The following PYGM variants were observed in gnomAD, a reference collection of about 807,000 sequenced individuals.
PYGM encodes glycogen phosphorylase, muscle associated, also known as glycogen phosphorylase, muscle form.
PYGM carries 81 observed loss-of-function variants against 99.3 expected under a neutral mutation model. The ratio of observed to expected loss-of-function variants is 0.82; its 90% CI spans 0.68 to 0.98. The LOEUF (loss-of-function observed/expected upper bound fraction) is 0.98. PYGM is among the 50% of genes least tolerant of loss of function. PYGM has a pLI of 0.00. For missense variants in PYGM, 1,030 were observed against 1,158.1 expected (o/e 0.89, Z 1.61); for synonymous variants, 436 against 451.5 (o/e 0.97, Z 0.44).
chr11:64,752,045 G>A lies in PYGM; in HGVS notation c.1647C>T (p.Tyr549=), dbSNP rs1259993947. 1.9e-6 allele frequency: 3 copies of A among 1,614,000 alleles called. No homozygotes were observed. The African/African-American group carries it at 4.0e-5, about 22-fold the overall frequency. The part of the protein sequence containing the change: ...KQENKLKFAA[Y]LEREYKVHIN... ...TGTGGACTTTGTATTCCCTCTCTAG[G>A]TAGGCAGCAAACTTCAACTTGTTTT... The change falls in exon 14 of 20, where the codon TAC becomes TAT. Residue 549 remains tyrosine, a synonymous_variant. Transcript: ENST00000164139.
In PYGM at chr11:64,755,877, G is replaced by C. The variant is rs2058391589; in HGVS notation, c.661-319C>G. 2.0e-5 allele frequency among the ~76,000 whole-genome samples: 3 copies of C among 152,246 alleles called. No individual in the cohort carries two copies. Among genetic ancestry groups the C allele is most frequent in the Non-Finnish European group, 4.4e-5 (3 of 68,036 alleles). ...CGACCACTCTGCAGCAATGGGGGCT[G>C]GGCTGGCCAGCCTGGCCTGAGCAAA... On this transcript the variant is annotated intron_variant, in intron 5 of 19. Transcript: ENST00000164139. This position sits in a 1 kb window ranked among gnomAD's most constrained non-coding sequence, Gnocchi z 4.1.
chr11:64,753,322 CTG>C, intron 11 of PYGM, 135 bp from the exon 12 acceptor site: 1 of 1,186,858 alleles, frequency 8.4e-7, no homozygotes, highest in Non-Finnish European at 1.2e-6. Context: ...GTTGGGGGTG[CTG>C]TGTGTAAGAG....
chr11:64,753,438 T>G, intron 11 of PYGM, 81 bp downstream of exon 11: 1 of 1,494,260 alleles, frequency 6.7e-7, no homozygotes. Context: ...GAGTGGTCGG[T>G]GAAGGGCGGG....
chr11:64,754,986 C>T lies in PYGM; in HGVS notation c.856-150G>A. 1 of 1,137,428 alleles carries T rather than the reference C, an allele frequency of 8.8e-7. No individual in the cohort carries two copies. Among genetic ancestry groups the T allele is most frequent in the Non-Finnish European group, 1.2e-6 (1 of 808,232 alleles). The allele number at this position is 1,137,428 out of a possible 1,614,324, so 70.5% of individuals were successfully genotyped here. On this transcript the variant is annotated intron_variant, in intron 7 of 19. Coordinates refer to ENST00000164139, the MANE Select transcript of PYGM (RefSeq NM_005609.4). The surrounding 1 kb of genome is among the most constrained non-coding windows in gnomAD (Gnocchi z 5.5). ...TGGGACCCAGGGGCCTTTCCTCCAC[C>T]AAGAACTAGTGGCGAGAGACAGTGT...
In PYGM at chr11:64,751,460, G is replaced by C. The variant is rs1419658107; in HGVS notation, c.1834C>G (p.Pro612Ala). 1 of 1,614,148 alleles carries C rather than the reference G, an allele frequency of 6.2e-7. No individual in the cohort carries two copies. Among genetic ancestry groups the C allele is most frequent in the Non-Finnish European group, 8.5e-7 (1 of 1,180,030 alleles). ...ATCATCTTGGCCATGTGGTACCCAG[G>C]TGCAGCCTGAGGGGACAAAGTCTGG... ...RTVMIGGKAA[P>A]GYHMAKMIIR... The change falls in exon 16 of 20, where the codon CCT becomes GCT. Residue 612 changes from proline (P) to alanine (A), a missense_variant. By Grantham distance (27) the Pro-to-Ala change is conservative (BLOSUM62 -1). Transcript: ENST00000164139.
chr11:64,755,259 A>AG lies in PYGM; in HGVS notation c.855+13dup. ...GACTCAGGCTTCCAGCCCCCAGCCCAGGGGGTGACGCACATTATCATTGGG... is the reference window on the plus strand; with the variant it reads ...GACTCAGGCTTCCAGCCCCCAGCCCAGGGGGGTGACGCACATTATCATTGGG... On this transcript the variant is annotated intron_variant, in intron 7 of 19. Coordinates refer to ENST00000164139, the MANE Select transcript of PYGM (RefSeq NM_005609.4). The surrounding 1 kb of genome is among the most constrained non-coding windows in gnomAD (Gnocchi z 4.1). 1 of 1,612,418 alleles carries AG rather than the reference A, an allele frequency of 6.2e-7. No homozygotes were observed. The highest frequency in any genetic ancestry group is 8.5e-7 in the Non-Finnish European group (1 of 1,178,588).
chr11:64,758,674 T>C lies in PYGM; in HGVS notation c.274A>G (p.Met92Val), dbSNP rs1435533547. The change falls in exon 2 of 20, where the codon ATG (methionine) becomes GTG (valine). Residue 92 changes from methionine to valine, a missense_variant. Physicochemically the swap from Met to Val is conservative, Grantham distance 21 (BLOSUM62 1). Coordinates refer to ENST00000164139, the MANE Select transcript of PYGM (RefSeq NM_005609.4). ...ATGGTGTTCTGTAGCGTCCGTCCCA[T>C]ATAGAACTCTAAAGACAGGTAGTAG... ...RIYYLSLEFY[M>V]GRTLQNTMVN... 6.2e-7 allele frequency: 1 copy of C among 1,612,112 alleles called. No homozygotes were observed. Among genetic ancestry groups the C allele is most frequent in the Non-Finnish European group, 8.5e-7 (1 of 1,178,420 alleles).
Position 64,759,892 on chromosome 11 carries a change from G to A in PYGM, c.7C>T (p.Arg3Trp), listed in dbSNP as rs199565370. 6.4e-5 allele frequency: 104 copies of A among 1,614,014 alleles called. No individual in the cohort carries two copies. The East Asian group carries it at 1.0e-3, about 16-fold the overall frequency. The change falls in exon 1 of 20, where the codon CGG (arginine) becomes TGG (tryptophan). Residue 3 changes from arginine (R) to tryptophan (W), a missense_variant. Physicochemically the swap from Arg to Trp is moderately radical, Grantham distance 101. Coordinates refer to ENST00000164139, the MANE Select transcript of PYGM (RefSeq NM_005609.4). ...CTTTTCTCTTGGTCTGACAGGGGCC[G>A]GGACATGGCTGCAGGAGGGCGGGCC... MS[R>W]PLSDQEKRKQ...
intron 18 of PYGM, 115 bp downstream of exon 18, chr11:64,747,109 T>C: frequency 6.4e-7 from 1 of 1,572,380 alleles, no homozygotes; most frequent in Non-Finnish European, 8.7e-7. Flanking sequence ...TCATGCTGCT[T>C]CCAAAGGCGC....
rs1592409037 is a variant in PYGM at position 64,751,395 on chromosome 11, A to G, written c.1899T>C (p.His633=). The G allele has an allele frequency of 6.2e-7, 1 of 1,614,146 alleles. No homozygotes were observed. Residue 633 remains histidine (H), a synonymous_variant, in exon 16 of 20, where the codon CAT becomes CAC. Transcript: ENST00000164139. ...LVTAIGDVVN[H]DPAVGDRLRV... ...GGAGGCGGTCACCCACTGCCGGGTC[A>G]TGGTTGACCACATCCCCGATGGCTG...
intron 17 of PYGM, among the ~76,000 whole-genome samples, chr11:64,749,824 A>ATTTTTTTT (rs2058341463): frequency 7.8e-6 from 1 of 127,756 alleles, no homozygotes; most frequent in Non-Finnish European, 1.6e-5. Context: ...GCAGAGTCTC[A>ATTTTTTTT]CTCTGTTACC....
intron 18 of PYGM, 31 bp from the exon 19 acceptor site, chr11:64,747,018 C>T (rs778992138): frequency 6.2e-7 from 1 of 1,609,868 alleles, no homozygotes; most frequent in Non-Finnish European, 8.5e-7. Flanking sequence ...ATGTGCTATT[C>T]CTTTAGGGGG....
intron 16 of PYGM, 70 bp downstream of exon 16, chr11:64,751,255 G>A: frequency 3.8e-6 from 6 of 1,598,766 alleles, no homozygotes; most frequent in South Asian, 1.1e-5. Flanking sequence ...CCCAGGAAGA[G>A]ACGACTGATA....
In PYGM at chr11:64,754,894, G is replaced by T; in HGVS notation, c.856-58C>A. On this transcript the variant is annotated intron_variant, in intron 7 of 19. Coordinates refer to ENST00000164139, the MANE Select transcript of PYGM (RefSeq NM_005609.4). This position sits in a 1 kb window ranked among gnomAD's most constrained non-coding sequence, Gnocchi z 5.5. ...CGGTGGGGGCATGGCCTAAAGCTGC[G>T]GTGGGTGTGGCCAGGAGGGACTCCC... The T allele has an allele frequency of 6.2e-7, 1 of 1,602,394 alleles. No homozygotes were observed. The highest frequency in any genetic ancestry group is 8.5e-7 in the Non-Finnish European group (1 of 1,176,116).
chr11:64,750,658 TG>T (rs756920094), intron 16 of PYGM, 75 bp from the exon 17 acceptor site: 6 of 1,442,680 alleles, frequency 4.2e-6, no homozygotes, highest in Non-Finnish European at 5.7e-6. Context: ...CAGATTAGGC[TG>T]GCCCCAGGCA....
intron 1 of PYGM, 89 bp downstream of exon 1, chr11:64,759,567 G>C: frequency 6.3e-7 from 1 of 1,581,626 alleles, no homozygotes; most frequent in South Asian, 1.1e-5. Context: ...AGAACCTAGA[G>C]TGACGAGGGG....
In PYGM at chr11:64,753,132, T is replaced by C; in HGVS notation, c.1459A>G (p.Ile487Val). ...AGAACCAGCCAGCGCCGAGGGGTGA[T>C]GCCGTTGGTCTTATTCTGGAACTTA... ...PHKFQNKTNG[I>V]TPRRWLVLCN... The change falls in exon 12 of 20, where the codon ATC becomes GTC. Residue 487 changes from isoleucine to valine, a missense_variant. Coordinates refer to ENST00000164139, the MANE Select transcript of PYGM (RefSeq NM_005609.4). 1.2e-6 allele frequency: 2 copies of C among 1,614,142 alleles called. No individual in the cohort carries two copies. The highest frequency in any genetic ancestry group is 1.7e-6 in the Non-Finnish European group (2 of 1,180,008).
Position 64,752,554 on chromosome 11 carries a change from C to G in PYGM, c.1519-50G>C, listed in dbSNP as rs1256555575. The G allele has an allele frequency of 2.6e-6, 4 of 1,540,542 alleles. No homozygotes were observed. The South Asian group carries it at 4.5e-5, about 17-fold the overall frequency. On this transcript the variant is annotated intron_variant, in intron 12 of 19. Coordinates refer to ENST00000164139, the MANE Select transcript of PYGM (RefSeq NM_005609.4). ...AGCCCATCCCCATGTCCTCCCTCCT[C>G]CCAACACAGAAGGGGCCATTTCCAG...
chr11:64,759,925 A>C lies in PYGM; in HGVS notation c.-27T>G. The C allele has an allele frequency of 6.2e-7, 1 of 1,612,818 alleles. No individual in the cohort carries two copies. The highest frequency in any genetic ancestry group is 1.7e-5 in the Admixed American group (1 of 59,996). ...GCTGCAGGAGGGCGGGCCGGACTGG[A>C]CTGATGGTAGAGGGGACGGCGGCCT... On this transcript the variant is annotated 5_prime_UTR_variant, in exon 1 of 20. Coordinates refer to ENST00000164139, the MANE Select transcript of PYGM (RefSeq NM_005609.4).
Sources: gnomAD v4.1 joint callset for allele counts (sites outside exome capture counted in the v4.1 genomes callset) on GRCh38, gnomAD v4.1.1 for gene constraint, Gnocchi (gnomAD v3.1) non-coding constraint, MANE v1.5 for transcripts, NCBI Gene and HGNC (gene_info 2026-07-23, HGNC 2026-07-21) for gene names.